AGBL4: variants seen among roughly 807,000 people sequenced by gnomAD.
AGBL4 encodes the protein cytosolic carboxypeptidase 6.
AGBL4 carries 58 observed loss-of-function variants against 66.4 expected under a neutral mutation model. That is an observed-to-expected ratio of 0.87 (90% confidence interval 0.71 to 1.09). AGBL4 has a LOEUF of 1.09. AGBL4 is among the 50% of genes least tolerant of loss of function. AGBL4 has a pLI of 0.00. For synonymous variants in AGBL4, 234 were observed against 222.9 expected, an observed-to-expected ratio of 1.05 and a Z score of -0.44; for missense variants, 579 against 631.0, an observed-to-expected ratio of 0.92 and a Z score of 0.88.
At chr1:49,545,351 A>C (rs184366454) in intron 3 of AGBL4, among the ~76,000 whole-genome samples, 23 of 152,310 alleles carry the variant, frequency 1.5e-4, no homozygotes, top group Non-Finnish European at 2.6e-4. Flanking sequence ...ACTGAATCCT[A>C]CCAAAAACCA....
At chr1:49,573,132 CTG>C (rs959516510) in intron 3 of AGBL4, among the ~76,000 whole-genome samples, 1 of 126,068 alleles carries the variant, frequency 7.9e-6, no homozygotes, top group Non-Finnish European at 1.7e-5. Flanking sequence ...ATATGTGTGT[CTG>C]TGTGTGTGTG....
chr1:49,217,616 G>C (rs924853632), intron 4 of AGBL4, among the ~76,000 whole-genome samples: 2 of 152,052 alleles, frequency 1.3e-5, no homozygotes, highest in African/African-American at 2.4e-5. Flanking sequence ...TTTTGTGGCT[G>C]AGTGCATCTC....
At chr1:49,758,611 G>T (rs1047579107) in intron 2 of AGBL4, among the ~76,000 whole-genome samples, 3 of 152,058 alleles carry the variant, frequency 2.0e-5, no homozygotes, top group African/African-American at 7.2e-5. Flanking sequence ...TTTCAGACTT[G>T]CATGGGGCCT....
chr1:48,677,024 G>A (rs111523941), intron 6 of AGBL4, among the ~76,000 whole-genome samples: 3,047 of 152,242 alleles, frequency 0.02, 42 homozygotes, highest in South Asian at 0.047. Flanking sequence ...AAGAAGGGGC[G>A]GAGCTAGGTG....
At chr1:49,421,741 A>C (rs1236576250) in intron 3 of AGBL4, among the ~76,000 whole-genome samples, 1 of 152,130 alleles carries the variant, frequency 6.6e-6, no homozygotes, top group Non-Finnish European at 1.5e-5. Context: ...ACTTGCCTGG[A>C]AACTTATGGT....
At chr1:49,725,493 C>A (rs574465454) in intron 2 of AGBL4, among the ~76,000 whole-genome samples, 1 of 152,154 alleles carries the variant, frequency 6.6e-6, no homozygotes, top group East Asian at 1.9e-4. Context: ...CTGGGCTGTC[C>A]AGCTCTGCTT....
At chr1:49,003,585 G>A (rs1010246797) in intron 5 of AGBL4, among the ~76,000 whole-genome samples, 5 of 152,078 alleles carry the variant, frequency 3.3e-5, no homozygotes, top group African/African-American at 1.2e-4. Context: ...GCTCAGGTAG[G>A]CGTGATCTCC....
intron 2 of AGBL4, among the ~76,000 whole-genome samples, chr1:49,824,897 T>C (rs1645467707): frequency 6.6e-6 from 1 of 152,194 alleles, no homozygotes; most frequent in South Asian, 2.1e-4. Context: ...GCACTGAAGA[T>C]TCTTATCTGA....
intron 5 of AGBL4, among the ~76,000 whole-genome samples, chr1:48,916,968 C>T (rs1018718571): frequency 6.6e-6 from 1 of 151,884 alleles, no homozygotes; most frequent in African/African-American, 2.4e-5. Context: ...TATAAATTTT[C>T]TATAATGAAT....
chr1:49,086,021 C>G (rs1252414039), intron 4 of AGBL4, among the ~76,000 whole-genome samples: 1 of 152,116 alleles, frequency 6.6e-6, no homozygotes, highest in Non-Finnish European at 1.5e-5. Context: ...TGGTGCCAGC[C>G]TCCAGCCCCG....
chr1:49,788,370 C>T (rs1644512673), intron 2 of AGBL4, among the ~76,000 whole-genome samples: 1 of 151,556 alleles, frequency 6.6e-6, no homozygotes, highest in African/African-American at 2.4e-5. Flanking sequence ...CAAAAAACAT[C>T]TACAATGTCC....
At chr1:49,695,445 A>C (rs1434934595) in intron 3 of AGBL4, among the ~76,000 whole-genome samples, 1 of 152,180 alleles carries the variant, frequency 6.6e-6, no homozygotes, top group Non-Finnish European at 1.5e-5. Context: ...AGTAACACAG[A>C]CTTTGGAAAA....
At chr1:49,755,318 A>C (rs996653616) in intron 2 of AGBL4, among the ~76,000 whole-genome samples, 2 of 152,150 alleles carry the variant, frequency 1.3e-5, no homozygotes, top group Non-Finnish European at 2.9e-5. Context: ...GGTTTATTCC[A>C]CTTTAAAGAA....
intron 6 of AGBL4, among the ~76,000 whole-genome samples, chr1:48,864,057 A>AG (rs1365123762): frequency 1.3e-5 from 2 of 152,250 alleles, no homozygotes; most frequent in African/African-American, 4.8e-5. Context: ...TAAGTGACAC[A>AG]GTACTGATAC....
chr1:48,718,414 C>T (rs78730506), intron 6 of AGBL4, among the ~76,000 whole-genome samples: 3,763 of 152,334 alleles, frequency 0.025, 152 homozygotes, highest in African/African-American at 0.085. Flanking sequence ...CCAAAGCTCC[C>T]TAGCTCAGAA....
At chr1:48,643,529 T>G (rs1645790666) in intron 8 of AGBL4, among the ~76,000 whole-genome samples, 1 of 152,152 alleles carries the variant, frequency 6.6e-6, no homozygotes, top group African/African-American at 2.4e-5. Context: ...TCTCCTACTA[T>G]TAAAGGCAGT....
chr1:49,885,013 G>T (rs1353229642), intron 1 of AGBL4, among the ~76,000 whole-genome samples: 1 of 151,762 alleles, frequency 6.6e-6, no homozygotes, highest in Non-Finnish European at 1.5e-5. Flanking sequence ...TGTGAAAAAA[G>T]CTCGATTTGT....
intron 2 of AGBL4, chr1:49,842,497 T>G: frequency 1.0e-6 from 1 of 978,242 alleles, no homozygotes. Context: ...TACTCAGTCT[T>G]AATTCTTCAC....
intron 3 of AGBL4, among the ~76,000 whole-genome samples, chr1:49,487,658 G>A (rs1187245290): frequency 1.3e-5 from 2 of 151,940 alleles, no homozygotes; most frequent in African/African-American, 4.8e-5. Context: ...GAAACTGTGA[G>A]TCAATTAAAC....
Sources: gnomAD v4.1 joint callset for allele counts (sites outside exome capture counted in the v4.1 genomes callset) on GRCh38, gnomAD v4.1.1 for gene constraint, MANE v1.5 for transcripts, NCBI Gene and HGNC (gene_info 2026-07-23, HGNC 2026-07-21) for gene names.